EML1: variants seen among roughly 807,000 people sequenced by gnomAD.
The protein encoded by EML1 is echinoderm microtubule-associated protein-like 1.
EML1 carries 27 observed loss-of-function variants against 110.4 expected under a neutral mutation model. The ratio of observed to expected loss-of-function variants is 0.24; its 90% CI spans 0.18 to 0.34. The LOEUF is 0.34. EML1 is among the 10% of genes least tolerant of loss of function. EML1 has a pLI of 1.00. For missense variants in EML1, 741 were observed against 1,030.9 expected, an observed-to-expected ratio of 0.72 and a Z score of 3.85; for synonymous variants, 344 against 385.8, an observed-to-expected ratio of 0.89 and a Z score of 1.27.
chr14:99,812,741 C>G (rs1434525053), intron 1 of EML1, among the ~76,000 whole-genome samples: 1 of 152,138 alleles, frequency 6.6e-6, no homozygotes, highest in Non-Finnish European at 1.5e-5. Flanking sequence ...TAATAAACAC[C>G]TTTGAATAGA....
At chr14:99,897,089 C>CTGA (rs1446646782) in intron 6 of EML1, 56 bp from the exon 7 acceptor site, 6 of 1,431,892 alleles carry the variant, frequency 4.2e-6, no homozygotes, top group Non-Finnish European at 5.5e-6. Context: ...TTGAATAAAG[C>CTGA]TGATGTTTTG....
At chr14:99,898,328 T>C in intron 8 of EML1, 26 bp downstream of exon 8, 1 of 1,599,626 alleles carries the variant, frequency 6.3e-7, no homozygotes. Context: ...TTTTCATTGT[T>C]TCATAATGAA....
At chr14:99,798,433 C>A (rs1313252121) in intron 1 of EML1, among the ~76,000 whole-genome samples, 1 of 150,438 alleles carries the variant, frequency 6.6e-6, no homozygotes, top group Non-Finnish European at 1.5e-5. Context: ...CACTCTGTCG[C>A]CCAGGCTGGA....
intron 1 of EML1, among the ~76,000 whole-genome samples, chr14:99,819,260 A>G (rs1299487028): frequency 6.6e-6 from 1 of 152,184 alleles, no homozygotes; most frequent in African/African-American, 2.4e-5. Context: ...TGGCCAGAAC[A>G]TGCTTTTAAA....
At position 99,892,232 on chromosome 14, in the gene EML1, C is replaced by A. The variant is rs562260113; in HGVS notation, c.547+1005C>A. 40 of 982,950 alleles carry A rather than the reference C, an allele frequency of 4.1e-5. No homozygotes were observed. In the African/African-American group the frequency reaches 6.8e-4, roughly 17 times the overall value. The allele number at this position is 982,950 out of a possible 1,614,324, so 60.9% of individuals were successfully genotyped here. On this transcript the variant is annotated intron_variant, in intron 5 of 21. Transcript: ENST00000262233. ...TTCTGAAACCTCATAGCTCTCTGAG[C>A]AAAGCTGTTACCCAGGCTACAGAAA...
intron 3 of EML1, chr14:99,874,846 C>T: frequency 1.5e-6 from 2 of 1,316,406 alleles, no homozygotes; most frequent in Non-Finnish European, 2.1e-6. Flanking sequence ...CTGCAATTTA[C>T]TGAAGCTTAT....
chr14:99,911,027 T>C (rs973072017), intron 12 of EML1, among the ~76,000 whole-genome samples: 8 of 152,186 alleles, frequency 5.3e-5, no homozygotes, highest in African/African-American at 1.9e-4. Flanking sequence ...AGGTGTCTTA[T>C]TCACTGCTCA....
At chr14:99,899,630 T>C (rs1171569229) in intron 8 of EML1, among the ~76,000 whole-genome samples, 1 of 152,158 alleles carries the variant, frequency 6.6e-6, no homozygotes, top group African/African-American at 2.4e-5. Context: ...ATTAATATTT[T>C]ATACTTGAAA....
intron 4 of EML1, chr14:99,885,813 ATATCT>A (rs111750715): frequency 0.014 from 6,348 of 448,518 alleles, 286 homozygotes; most frequent in African/African-American, 0.11. Context: ...GCATTGTAAC[ATATCT>A]TATTTAATCG....
chr14:99,865,772 A>G (rs2139885231), intron 3 of EML1, 126 bp downstream of exon 3: 7 of 1,197,098 alleles, frequency 5.8e-6, no homozygotes, highest in Non-Finnish European at 7.9e-6. Context: ...TAAAAGTCCA[A>G]CATTTTATAT....
rs141984825 is a variant in EML1 at position 99,926,735 on chromosome 14, G to A, written c.1909+5858G>A. Among the ~76,000 whole-genome samples the A allele has an allele frequency of 3.8e-3, 579 of 151,532 alleles. 18 individuals are homozygous for A. Among genetic ancestry groups the A allele is most frequent in the Admixed American group, 0.03 (456 of 15,258 alleles). On this transcript the variant is annotated intron_variant, in intron 17 of 21. Transcript: ENST00000262233. ...GGTGGGACTACAGGCGTGTGCCACT[G>A]CACCCAGCTCTGCCTTTTTTTTTTT...
intron 3 of EML1, among the ~76,000 whole-genome samples, chr14:99,868,893 T>C (rs1295692204): frequency 6.6e-6 from 1 of 152,198 alleles, no homozygotes; most frequent in Non-Finnish European, 1.5e-5. Flanking sequence ...AAGTATAAAG[T>C]TAGGAGGCTG....
chr14:99,743,428 C>G (rs1346244228), intron 1 of EML1, among the ~76,000 whole-genome samples: 1 of 152,208 alleles, frequency 6.6e-6, no homozygotes, highest in Non-Finnish European at 1.5e-5. Context: ...CTGCCCTTCT[C>G]ACAGAAGTTA....
intron 1 of EML1, among the ~76,000 whole-genome samples, chr14:99,843,151 G>T (rs749290160): frequency 6.6e-6 from 1 of 152,292 alleles, no homozygotes; most frequent in Non-Finnish European, 1.5e-5. Flanking sequence ...CTACTCGGGA[G>T]GCTGAGATAG....
chr14:99,825,779 AT>A, intron 1 of EML1, among the ~76,000 whole-genome samples: 1 of 152,162 alleles, frequency 6.6e-6, no homozygotes, highest in Non-Finnish European at 1.5e-5. Context: ...GATGCCACAG[AT>A]TTCTCCTTCA....
intron 1 of EML1, among the ~76,000 whole-genome samples, chr14:99,801,624 AAAAAG>A (rs1595301530): frequency 6.6e-6 from 1 of 152,132 alleles, no homozygotes; most frequent in East Asian, 1.9e-4. Flanking sequence ...CAAAAAAAAA[AAAAAG>A]AAATTCTCCT....
At position 99,939,428 on chromosome 14, in the gene EML1, G is replaced by A; in HGVS notation, c.2322+101G>A. 6.6e-7 allele frequency: 1 copy of A among 1,526,158 alleles called. No individual in the cohort carries two copies. The highest frequency in any genetic ancestry group is 8.9e-7 in the Non-Finnish European group (1 of 1,128,818). 94.5% of individuals were successfully genotyped at this position (1,526,158 alleles called of 1,614,324 possible). On this transcript the variant is annotated intron_variant, in intron 21 of 21. Coordinates refer to ENST00000262233, the MANE Select transcript of EML1 (RefSeq NM_004434.3). The surrounding 1 kb of genome is among the most constrained non-coding windows in gnomAD (Gnocchi z 4.2). ...TGGAAATGGGCTGTGAGCGACTGCTGCCAGCCACAAAGGCAGATGTGACTC... is the reference window on the plus strand; with the variant it reads ...TGGAAATGGGCTGTGAGCGACTGCTACCAGCCACAAAGGCAGATGTGACTC...
chr14:99,836,875 C>A (rs2058549556), intron 1 of EML1, among the ~76,000 whole-genome samples: 1 of 152,124 alleles, frequency 6.6e-6, no homozygotes, highest in Admixed American at 6.6e-5. Context: ...TGGGCAACAT[C>A]CTCTGAGTCC....
At chr14:99,910,904 C>A (rs948926671) in intron 12 of EML1, among the ~76,000 whole-genome samples, 1 of 152,136 alleles carries the variant, frequency 6.6e-6, no homozygotes, top group Non-Finnish European at 1.5e-5. Context: ...ATCCACCATC[C>A]CTTTTCTCAA....
Sources: gnomAD v4.1 joint callset for allele counts (sites outside exome capture counted in the v4.1 genomes callset) on GRCh38, gnomAD v4.1.1 for gene constraint, Gnocchi (gnomAD v3.1) non-coding constraint, MANE v1.5 for transcripts, NCBI Gene and HGNC (gene_info 2026-07-23, HGNC 2026-07-21) for gene names.